COL2A1: variants seen among roughly 807,000 people sequenced by gnomAD.
COL2A1 encodes the protein collagen type II alpha 1 chain.
Under a neutral mutation model 204.5 loss-of-function variants are expected in COL2A1, and 28 were observed. That is an observed-to-expected ratio of 0.14 (90% CI 0.10 to 0.19). The LOEUF is 0.19. COL2A1 is among the 10% of genes least tolerant of loss of function. The probability of loss-of-function intolerance (pLI) is 1.00; values close to 1 mark genes in which losing one functional copy is unlikely to be tolerated. For synonymous variants in COL2A1, 708 were observed against 718.7 expected (o/e 0.99, Z 0.24); for missense variants, 1,388 against 2,027.5 (o/e 0.68, Z 6.06).
Position 47,992,924 on chromosome 12 carries a change from C to G in COL2A1, c.977G>C (p.Arg326Pro). ...CCGTCCTCTTTCACCAGGCAGGCCA[C>G]GAGGACCCTGGAACACACACCAGGA... ...ENGSPGPMGP[R>P]GLPGERGRTG... The change falls in exon 16 of 54, where the codon CGT (arginine) becomes CCT (proline). Residue 326 changes from arginine to proline, a missense_variant. Arg to Pro is a moderately radical substitution (Grantham distance 103). Around this residue, in one of 3 missense-constraint regions of COL2A1, gnomAD observed 884 missense variants for 1,415.8 expected, o/e 0.62. Coordinates refer to ENST00000380518, the MANE Select transcript of COL2A1 (RefSeq NM_001844.5). The G allele has an allele frequency of 1.9e-6, 3 of 1,614,164 alleles. No individual in the cohort carries two copies. The highest frequency in any genetic ancestry group is 2.5e-6 in the Non-Finnish European group (3 of 1,180,020).
intron 14 of COL2A1, 52 bp from the exon 15 acceptor site, chr12:47,993,554 A>G: frequency 6.5e-7 from 1 of 1,528,926 alleles, no homozygotes; most frequent in Non-Finnish European, 9.1e-7. Context: ...CTTGGCCGCC[A>G]GCAAACTCCT....
At chr12:48,004,613 C>G, upstream of COL2A1, 1 of 303,914 alleles carries the variant, frequency 3.3e-6, no homozygotes, top group South Asian at 4.6e-5. Context: ...CCGCCTGGGC[C>G]CTGCCAGTGC....
Position 47,977,312 on chromosome 12 carries a change from A to T in COL2A1, c.3273+8T>A. On this transcript the variant is annotated splice_region_variant and intron_variant, in intron 46 of 53. Coordinates refer to ENST00000380518, the MANE Select transcript of COL2A1 (RefSeq NM_001844.5). ...GAAGGCGGCTTTTACTGAATTCAGG[A>T]TACTTACAGCTTCTCCTCTGTCTCC... The T allele has an allele frequency of 6.2e-7, 1 of 1,611,452 alleles. No homozygotes were observed. Among genetic ancestry groups the T allele is most frequent in the Non-Finnish European group, 8.5e-7 (1 of 1,177,570 alleles).
intron 53 of COL2A1, among the ~76,000 whole-genome samples, chr12:47,973,812 C>T (rs541787099): frequency 5.5e-4 from 83 of 152,242 alleles, no homozygotes; most frequent in African/African-American, 1.8e-3. Flanking sequence ...AACCTGTGAC[C>T]GCTTCTTCAC....
chr12:47,974,353 G>C, intron 52 of COL2A1, 22 bp from the exon 53 acceptor site: 1 of 1,613,014 alleles, frequency 6.2e-7, no homozygotes, highest in Non-Finnish European at 8.5e-7. Context: ...GAGAGCGGCA[G>C]TGTGAGGCCT....
chr12:47,996,106 C>T (rs1266028379), intron 8 of COL2A1, among the ~76,000 whole-genome samples, 187 bp from the exon 9 acceptor site: 2 of 152,126 alleles, frequency 1.3e-5, no homozygotes, highest in African/African-American at 4.8e-5. Context: ...TTTATAGGCA[C>T]CATTTGGACA....
chr12:47,977,160 GGA>G lies in COL2A1; in HGVS notation c.3274-7_3274-6del. 6.2e-7 allele frequency: 1 copy of G among 1,611,338 alleles called. No individual in the cohort carries two copies. The highest frequency in any genetic ancestry group is 8.5e-7 in the Non-Finnish European group (1 of 1,178,976). On this transcript the variant is annotated splice_region_variant and splice_polypyrimidine_tract_variant and intron_variant, in intron 46 of 53. Transcript: ENST00000380518. ...TCCCATGGGGCCTTGTGCACCCTGAGGAGAGAGTGAGCGCAGCGTCAGAGAAA... is the reference window on the plus strand; with the variant it reads ...TCCCATGGGGCCTTGTGCACCCTGAGGAGAGTGAGCGCAGCGTCAGAGAAA...
intron 18 of COL2A1, 40 bp downstream of exon 18, chr12:47,989,188 C>A (rs768607883): frequency 6.4e-7 from 1 of 1,566,016 alleles, no homozygotes; most frequent in South Asian, 1.1e-5. Context: ...GACAGCTTCT[C>A]GGCACCCAGA....
At chr12:47,991,129 C>CTT in intron 16 of COL2A1, among the ~76,000 whole-genome samples, 1 of 152,208 alleles carries the variant, frequency 6.6e-6, no homozygotes. Context: ...TGGCCACAGC[C>CTT]CCTCTGGGCT....
At chr12:48,000,177 G>A (rs760462436) in intron 1 of COL2A1, 52 bp from the exon 2 acceptor site, 2 of 1,316,844 alleles carry the variant, frequency 1.5e-6, no homozygotes, top group Non-Finnish European at 2.2e-6. Flanking sequence ...AGGAGGGGGT[G>A]GGGAGCCAGA....
rs757395033 is a variant in COL2A1 at position 47,973,382 on chromosome 12, T to G, written c.*25A>C. The G allele has an allele frequency of 6.2e-7, 1 of 1,613,976 alleles. No homozygotes were observed. Among genetic ancestry groups the G allele is most frequent in the South Asian group, 1.1e-5 (1 of 91,064 alleles). On this transcript the variant is annotated 3_prime_UTR_variant, in exon 54 of 54. Transcript: ENST00000380518. ...TTGGGTCCTTTGGGTTTGCAACGGA[T>G]TGTGTTGTTTCTGGGTTCAGGTTTT... is the stretch of plus-strand genomic sequence containing the variant.
chr12:47,978,368 G>A lies in COL2A1; in HGVS notation c.2926C>T (p.Leu976=). 1 of 1,614,080 alleles carries A rather than the reference G, an allele frequency of 6.2e-7. No homozygotes were observed. The highest frequency in any genetic ancestry group is 1.7e-5 in the Admixed American group (1 of 60,028). ...GAEGPPGPQG[L]AGQRGIVGLP... ...CCGACGATGCCTCTCTGACCAGCCA[G>A]ACCCTGGGGACCTGGTGGACCTTCG... The change falls in exon 43 of 54, where the codon CTG becomes TTG. Residue 976 remains leucine, a synonymous_variant. Coordinates refer to ENST00000380518, the MANE Select transcript of COL2A1 (RefSeq NM_001844.5). The surrounding 1 kb of genome is among the most constrained non-coding windows in gnomAD (Gnocchi z 5.5).
chr12:47,974,758 C>T lies in COL2A1; in HGVS notation c.3991G>A (p.Val1331Ile), dbSNP rs12721427. The stretch of plus-strand genomic sequence containing the variant: ...CTGCTCCACCAGTTCTTCTTGGGAA[C>T]GTTTGCTGGATTGGGGTAGACGCAA... ...ETCVYPNPANVPKKNWWSSKS... is the reference protein window; with the variant it reads ...ETCVYPNPANIPKKNWWSSKS... The change falls in exon 52 of 54, where the codon GTT (valine) becomes ATT (isoleucine). Residue 1331 changes from valine (V) to isoleucine (I), a missense_variant. Coordinates refer to ENST00000380518, the MANE Select transcript of COL2A1 (RefSeq NM_001844.5). 0.068 allele frequency: 110,526 copies of T among 1,614,076 alleles called. 4,355 individuals are homozygous for T. Among genetic ancestry groups the T allele is most frequent in the Non-Finnish European group, 0.08 (94,552 of 1,179,978 alleles).
chr12:47,982,589 G>T lies in COL2A1; in HGVS notation c.2214C>A (p.Gly738=), dbSNP rs202222691. 2.5e-6 allele frequency: 4 copies of T among 1,613,090 alleles called. No individual in the cohort carries two copies. Among genetic ancestry groups the T allele is most frequent in the Non-Finnish European group, 3.4e-6 (4 of 1,179,644 alleles). Residue 738 remains glycine, a synonymous_variant, in exon 34 of 54, where the codon GGC becomes GGA. Transcript: ENST00000380518. ...CTGGAGGGCCCTGAGCCCCAGGGGG[G>T]CCTGCTGGGCCAGATGCACCCTGGG... is the stretch of plus-strand genomic sequence containing the variant. ...DGPKGASGPA[G]PPGAQGPPGL...
intron 16 of COL2A1, among the ~76,000 whole-genome samples, chr12:47,991,813 C>T (rs943060821): frequency 8.5e-5 from 13 of 152,330 alleles, no homozygotes; most frequent in East Asian, 3.9e-4. Context: ...TCTGTAGAAA[C>T]GGCAGTGTTT....
At chr12:47,986,464 G>T (rs1252212801) in intron 22 of COL2A1, 21 bp from the exon 23 acceptor site, 14 of 1,447,120 alleles carry the variant, frequency 9.7e-6, no homozygotes, top group Non-Finnish European at 1.3e-5. Flanking sequence ...GCAAAAAAGA[G>T]AAACAGAGTG....
Position 47,977,394 on chromosome 12 carries a change from G to A in COL2A1, c.3199C>T (p.Pro1067Ser). 2 of 1,613,458 alleles carry A rather than the reference G, an allele frequency of 1.2e-6. No homozygotes were observed. The highest frequency in any genetic ancestry group is 2.2e-5 in the East Asian group (1 of 44,880). Residue 1067 changes from proline (P) to serine (S), a missense_variant, in exon 46 of 54, where the codon CCT becomes TCT. By Grantham distance (74) the Pro-to-Ser change is moderately conservative (BLOSUM62 -1). Transcript: ENST00000380518. ...DRGETGAVGA[P>S]GAPGPPGSPG... ...GAGCCAGGGGGCCCAGGGGCTCCAG[G>A]AGCTCCCACAGCACCAGTCTCACCA...
chr12:47,989,336 G>A, intron 17 of COL2A1, 55 bp from the exon 18 acceptor site: 1 of 1,462,652 alleles, frequency 6.8e-7, no homozygotes, highest in South Asian at 1.2e-5. Context: ...GGCCTCCAAA[G>A]CGAGCCACCC....
intron 50 of COL2A1, 50 bp downstream of exon 50, chr12:47,975,913 C>T (rs371983027): frequency 4.4e-5 from 63 of 1,423,194 alleles, no homozygotes; most frequent in Non-Finnish European, 6.2e-5. Context: ...GCTCAAGCCT[C>T]CCGGATGGTA....
Sources: allele counts gnomAD v4.1 joint callset (sites outside exome capture counted in the v4.1 genomes callset), GRCh38; gene constraint gnomAD v4.1.1; regional missense constraint gnomAD v4.1.1; non-coding constraint Gnocchi (gnomAD v3.1); transcripts MANE v1.5; gene names NCBI Gene and HGNC (gene_info 2026-07-23, HGNC 2026-07-21).